Variants in OPCML observed in about 807,000 individuals in gnomAD.
OPCML encodes opioid-binding protein/cell adhesion molecule.
Under a neutral mutation model 37.8 loss-of-function variants are expected in OPCML, and 13 were observed. The ratio of observed to expected loss-of-function variants is 0.34; its 90% CI spans 0.22 to 0.55. The LOEUF (loss-of-function observed/expected upper bound fraction) is 0.55, where lower values mean the gene tolerates loss of function less well. OPCML is among the 20% of genes least tolerant of loss of function. OPCML has a pLI of 0.91. For missense variants in OPCML, 341 were observed against 435.6 expected (o/e 0.78, Z 1.93); for synonymous variants, 176 against 168.8 (o/e 1.04, Z -0.33).
chr11:132,433,921 C>G (rs1006110336), intron 7 of OPCML, among the ~76,000 whole-genome samples: 7 of 152,174 alleles, frequency 4.6e-5, no homozygotes, highest in Non-Finnish European at 1.0e-4. Flanking sequence ...TTTAAGCTAT[C>G]CCATCGGTAG....
chr11:133,256,156 T>C (rs1181613077), intron 1 of OPCML, among the ~76,000 whole-genome samples: 5 of 152,212 alleles, frequency 3.3e-5, no homozygotes, highest in African/African-American at 1.2e-4. Context: ...ACTCGAGCAT[T>C]GTAAGTATTT....
intron 3 of OPCML, among the ~76,000 whole-genome samples, chr11:132,641,735 A>T (rs1003662341): frequency 4.2e-4 from 64 of 152,056 alleles, no homozygotes; most frequent in Middle Eastern, 6.8e-3. Context: ...TGTGTGATAA[A>T]TTTTTTTAAA....
chr11:132,797,647 G>A (rs1238316720), intron 2 of OPCML, among the ~76,000 whole-genome samples: 1 of 151,872 alleles, frequency 6.6e-6, no homozygotes, highest in East Asian at 1.9e-4. Flanking sequence ...CTGTTATATG[G>A]GCCATAATAG....
chr11:133,124,580 G>A (rs769223966), intron 1 of OPCML, among the ~76,000 whole-genome samples: 3 of 152,128 alleles, frequency 2.0e-5, no homozygotes, highest in Non-Finnish European at 4.4e-5. Context: ...GGGCAAAGGT[G>A]TCCGTTCCAA....
intron 2 of OPCML, among the ~76,000 whole-genome samples, chr11:132,728,829 T>A (rs1365538831): frequency 3.3e-5 from 5 of 152,120 alleles, no homozygotes; most frequent in Non-Finnish European, 5.9e-5. Context: ...TCAGAAAAAT[T>A]ACAAAATTCC....
chr11:133,064,853 C>T (rs1948414468), intron 1 of OPCML: 1 of 152,154 alleles, frequency 6.6e-6, no homozygotes, highest in Non-Finnish European at 1.5e-5. Context: ...CAACATTGAA[C>T]AATACAAAGG....
At chr11:133,274,267 A>T (rs1941930977) in intron 1 of OPCML, among the ~76,000 whole-genome samples, 1 of 152,140 alleles carries the variant, frequency 6.6e-6, no homozygotes. Context: ...CCATGAACTG[A>T]TTTGGCTATA....
intron 2 of OPCML, among the ~76,000 whole-genome samples, chr11:132,868,528 G>A (rs149884685): frequency 1.1e-4 from 16 of 152,138 alleles, no homozygotes; most frequent in Non-Finnish European, 2.4e-4. Context: ...TCCTCCCTTT[G>A]TTGTGTCCCA....
chr11:133,114,259 C>A (rs1949298568), intron 1 of OPCML, among the ~76,000 whole-genome samples: 1 of 152,212 alleles, frequency 6.6e-6, no homozygotes, highest in South Asian at 2.1e-4. Context: ...AGCCTCCCAG[C>A]CTGCTCCTTC....
At chr11:133,044,093 C>A (rs746804376) in intron 1 of OPCML, among the ~76,000 whole-genome samples, 8 of 152,114 alleles carry the variant, frequency 5.3e-5, no homozygotes, top group Non-Finnish European at 1.0e-4. Context: ...ATCAGGAAAG[C>A]CTTCCACAAG....
chr11:132,686,944 G>A (rs1348028660), intron 2 of OPCML, among the ~76,000 whole-genome samples: 2 of 152,084 alleles, frequency 1.3e-5, no homozygotes, highest in African/African-American at 4.8e-5. Context: ...CTGCTGTGCT[G>A]GAAGATAGAC....
chr11:133,227,082 G>T (rs7941266), intron 1 of OPCML, among the ~76,000 whole-genome samples: 32 of 152,216 alleles, frequency 2.1e-4, no homozygotes, highest in Non-Finnish European at 3.5e-4. Flanking sequence ...GTCGTGTTAG[G>T]GGGGGGTGCT....
intron 1 of OPCML, among the ~76,000 whole-genome samples, chr11:133,379,438 G>A (rs1944885922): frequency 6.6e-6 from 1 of 152,200 alleles, no homozygotes; most frequent in African/African-American, 2.4e-5. Flanking sequence ...TGCTCATCAG[G>A]AAATTTTGTG....
At chr11:132,955,783 A>G (rs1945965995) in intron 1 of OPCML, among the ~76,000 whole-genome samples, 1 of 152,022 alleles carries the variant, frequency 6.6e-6, no homozygotes, top group African/African-American at 2.4e-5. Flanking sequence ...TCAGGAGGCC[A>G]AGGCAGGAGA....
intron 2 of OPCML, among the ~76,000 whole-genome samples, chr11:132,797,391 C>G (rs991715808): frequency 6.6e-6 from 1 of 152,212 alleles, no homozygotes; most frequent in African/African-American, 2.4e-5. Context: ...GTTTTGGCAG[C>G]CTTGTCAAAT....
At chr11:133,041,004 A>G (rs1947882911) in intron 1 of OPCML, among the ~76,000 whole-genome samples, 2 of 152,206 alleles carry the variant, frequency 1.3e-5, no homozygotes, top group South Asian at 4.1e-4. Flanking sequence ...TCGGACTATA[A>G]AAGGCTGAGA....
intron 1 of OPCML, among the ~76,000 whole-genome samples, chr11:133,035,097 A>G (rs1227827851): frequency 6.6e-6 from 1 of 152,168 alleles, no homozygotes; most frequent in East Asian, 1.9e-4. Flanking sequence ...AATAAGCATT[A>G]TCCCTTCCTG....
chr11:133,415,181 G>A (rs943179789), intron 1 of OPCML, among the ~76,000 whole-genome samples: 2 of 152,200 alleles, frequency 1.3e-5, no homozygotes, highest in East Asian at 1.9e-4. Flanking sequence ...AGGCCGAGGC[G>A]GGCGGATCAC....
chr11:132,920,753 T>C (rs1202487112), intron 2 of OPCML, among the ~76,000 whole-genome samples: 1 of 152,230 alleles, frequency 6.6e-6, no homozygotes, highest in Non-Finnish European at 1.5e-5. Context: ...TATCTGGTTT[T>C]AGAATTTGTT....
Sources: allele counts gnomAD v4.1 joint callset (sites outside exome capture counted in the v4.1 genomes callset), GRCh38; gene constraint gnomAD v4.1.1; transcripts MANE v1.5; gene names NCBI Gene and HGNC (gene_info 2026-07-23, HGNC 2026-07-21).